Variants in CDC5L observed in about 807,000 individuals in gnomAD.
CDC5L encodes the protein cell division cycle 5-like protein.
A neutral mutation model predicts 104.1 loss-of-function variants in CDC5L; 18 were observed. The observed-to-expected ratio is 0.17, with a 90% CI of 0.12 to 0.26. CDC5L has a LOEUF of 0.26. Ranked by LOEUF, CDC5L falls within the 10% of genes least tolerant of loss-of-function variation. CDC5L has a pLI of 1.00. For missense variants in CDC5L, 673 were observed against 956.9 expected, an observed-to-expected ratio of 0.70 and a Z score of 3.91; for synonymous variants, 331 against 322.7, an observed-to-expected ratio of 1.03 and a Z score of -0.28.
Position 44,448,495 on chromosome 6 carries a change from A to G in CDC5L, c.*1784A>G, listed in dbSNP as rs572756259. 6.6e-6 allele frequency: 1 copy of G among 152,348 alleles called. No homozygotes were observed. The highest frequency in any genetic ancestry group is 6.5e-5 in the Admixed American group (1 of 15,308). The allele number at this position is 152,348 out of a possible 1,614,324, so 9.4% of individuals were successfully genotyped here. ...GATGCAGTGATCCAGACAAAAAAATAATAGTGATTCTAACTAGAGTCCAGG... is the reference window on the plus strand; with the variant it reads ...GATGCAGTGATCCAGACAAAAAAATGATAGTGATTCTAACTAGAGTCCAGG... On this transcript the variant is annotated 3_prime_UTR_variant, in exon 16 of 16. Transcript: ENST00000371477.
In CDC5L at chr6:44,394,893, CA is replaced by C. The variant is rs1790796808; in HGVS notation, c.439+1321del. Among the ~76,000 whole-genome samples, 7 of 320 alleles carry C rather than the reference CA, an allele frequency of 0.022. No homozygotes were observed. In the South Asian group the frequency reaches 0.23, roughly 10 times the overall value. 0.2% of individuals were successfully genotyped at this position (320 alleles called of 152,430 possible). On this transcript the variant is annotated intron_variant, in intron 4 of 15. Transcript: ENST00000371477. ...AAAAAAAAAAAAAAAAAATGGTATACACACACACACACACACACACACACAC... is the reference window on the plus strand; with the variant it reads ...AAAAAAAAAAAAAAAAAATGGTATACCACACACACACACACACACACACAC...
In CDC5L at chr6:44,431,560, G is replaced by T. The variant is rs571889225; in HGVS notation, c.2091+1650G>T. ...TATGAAAATCTTCTCATTTGAGGTG[G>T]GTAAACTCTTTTTGCCGCAAATGGC... is the stretch of plus-strand genomic sequence containing the variant. On this transcript the variant is annotated intron_variant, in intron 14 of 15. Transcript: ENST00000371477. 2.0e-5 allele frequency among the ~76,000 whole-genome samples: 3 copies of T among 152,048 alleles called. No individual in the cohort carries two copies. In the South Asian group the frequency reaches 6.3e-4, roughly 32 times the overall value.
Position 44,387,842 on chromosome 6 carries a change from A to C in CDC5L, c.19A>C (p.Lys7Gln). The part of the protein sequence containing the change: MPRIMI[K>Q]GGVWRNTEDE... ...CGCCAAGATGCCTCGAATTATGATC[A>C]AGGGGGGCGTATGGAGGAATACCGA... Residue 7 changes from lysine (K) to glutamine (Q), a missense_variant, in exon 1 of 16, where the codon AAG (lysine) becomes CAG (glutamine). Coordinates refer to ENST00000371477, the MANE Select transcript of CDC5L (RefSeq NM_001253.4). The C allele has an allele frequency of 6.4e-7, 1 of 1,567,408 alleles. No individual in the cohort carries two copies. The highest frequency in any genetic ancestry group is 8.7e-7 in the Non-Finnish European group (1 of 1,154,912).
chr6:44,399,105 A>C (rs1411018734), intron 5 of CDC5L, among the ~76,000 whole-genome samples: 1 of 152,212 alleles, frequency 6.6e-6, no homozygotes, highest in African/African-American at 2.4e-5. Context: ...GATGCACACC[A>C]CCATTCCCAC....
Position 44,403,919 on chromosome 6 carries a change from A to C in CDC5L, c.650A>C (p.Glu217Ala), listed in dbSNP as rs549734666. Residue 217 changes from glutamate (E) to alanine (A), a missense_variant, in exon 6 of 16, where the codon GAA becomes GCA. Coordinates refer to ENST00000371477, the MANE Select transcript of CDC5L (RefSeq NM_001253.4). ...GVDYNAEIPF[E>A]KKPALGFYDT... ...GATTATAATGCCGAAATCCCATTTG[A>C]AAAAAAGCCTGCCCTTGGTTTTTAT... 3.2e-5 allele frequency: 51 copies of C among 1,613,350 alleles called. No homozygotes were observed. In the South Asian group the frequency reaches 5.4e-4, roughly 17 times the overall value.
At position 44,429,732 on chromosome 6, in the gene CDC5L, A is replaced by G; in HGVS notation, c.1913A>G (p.Gln638Arg). 2.5e-6 allele frequency: 4 copies of G among 1,613,914 alleles called. No individual in the cohort carries two copies. The highest frequency in any genetic ancestry group is 3.4e-6 in the Non-Finnish European group (4 of 1,179,822). ...ELKKAQDVLV[Q>R]EMEVVKQGMS... ...AAACAGGCCCAGGATGTTTTGGTGC[A>G]GGAGATGGAAGTGGTTAAACAAGGA... The change falls in exon 14 of 16, where the codon CAG (glutamine) becomes CGG (arginine). Residue 638 changes from glutamine to arginine, a missense_variant. By Grantham distance (43) the Gln-to-Arg change is conservative. Around this residue, in one of 4 missense-constraint regions of CDC5L, gnomAD observed 578 missense variants for 737.0 expected, o/e 0.78. Coordinates refer to ENST00000371477, the MANE Select transcript of CDC5L (RefSeq NM_001253.4).
chr6:44,397,984 T>A (rs1285093148), intron 5 of CDC5L, among the ~76,000 whole-genome samples: 1 of 152,170 alleles, frequency 6.6e-6, no homozygotes, highest in African/African-American at 2.4e-5. Context: ...CCCTATCCTG[T>A]ACAGTGCCCC....
At chr6:44,437,184 G>A (rs1390255172) in intron 14 of CDC5L, among the ~76,000 whole-genome samples, 1 of 152,066 alleles carries the variant, frequency 6.6e-6, no homozygotes, top group African/African-American at 2.4e-5. Flanking sequence ...GGAGGAGCTG[G>A]GCTGATTTAA....
chr6:44,433,714 A>G (rs560264737), intron 14 of CDC5L, among the ~76,000 whole-genome samples: 1 of 152,330 alleles, frequency 6.6e-6, no homozygotes, highest in South Asian at 2.1e-4. Flanking sequence ...AACTTAAAGA[A>G]CACAGATAAC....
intron 11 of CDC5L, 99 bp downstream of exon 11, chr6:44,424,682 G>T: frequency 9.0e-7 from 1 of 1,114,668 alleles, no homozygotes; most frequent in South Asian, 1.5e-5. Flanking sequence ...TCTCTACCTA[G>T]TCCTTTTTAA....
rs1792058122 is a variant in CDC5L, at chr6:44,419,408, C to G, written c.1093-41C>G. On this transcript the variant is annotated intron_variant, in intron 8 of 15. Coordinates refer to ENST00000371477, the MANE Select transcript of CDC5L (RefSeq NM_001253.4). The stretch of plus-strand genomic sequence containing the variant: ...ACCAGAAGAGATTCTGCAAGTCTGT[C>G]TAAACTTTTAAACTTGCTTCTTTGT... 3.1e-6 allele frequency: 5 copies of G among 1,605,794 alleles called. No individual in the cohort carries two copies. In the East Asian group the frequency reaches 1.1e-4, roughly 36 times the overall value.
intron 5 of CDC5L, among the ~76,000 whole-genome samples, chr6:44,403,037 C>CA (rs1791201183): frequency 1.3e-5 from 2 of 152,188 alleles, no homozygotes; most frequent in African/African-American, 4.8e-5. Flanking sequence ...AATTGCTGCT[C>CA]AAAAAATATG....
intron 8 of CDC5L, among the ~76,000 whole-genome samples, chr6:44,411,240 G>C (rs1791609168): frequency 6.6e-6 from 1 of 152,028 alleles, no homozygotes; most frequent in Non-Finnish European, 1.5e-5. Flanking sequence ...GTGTGGGTAG[G>C]GCTCCTTGAC....
At chr6:44,431,525 TCTTA>T (rs1434824035) in intron 14 of CDC5L, among the ~76,000 whole-genome samples, 1 of 152,196 alleles carries the variant, frequency 6.6e-6, no homozygotes, top group Non-Finnish European at 1.5e-5. Flanking sequence ...TACTTAGGTT[TCTTA>T]CTTAGTATGA....
At chr6:44,437,505 A>G (rs973825376) in intron 14 of CDC5L, among the ~76,000 whole-genome samples, 2 of 152,216 alleles carry the variant, frequency 1.3e-5, no homozygotes, top group African/African-American at 2.4e-5. Flanking sequence ...ATTTATGTCC[A>G]TATTTGCTTG....
At chr6:44,407,583 C>T (rs759082596) in intron 7 of CDC5L, among the ~76,000 whole-genome samples, 7 of 152,220 alleles carry the variant, frequency 4.6e-5, no homozygotes, top group South Asian at 2.1e-4. Flanking sequence ...CTACCCACCT[C>T]GGCCTCCCAA....
At chr6:44,424,767 A>AT (rs1792344587) in intron 11 of CDC5L, among the ~76,000 whole-genome samples, 184 bp downstream of exon 11, 1 of 152,218 alleles carries the variant, frequency 6.6e-6, no homozygotes, top group Admixed American at 6.5e-5. Context: ...TACTCACAAT[A>AT]TTTTGATGAG....
Position 44,400,418 on chromosome 6 carries a change from C to T in CDC5L, c.540-3391C>T, listed in dbSNP as rs540188568. ...ATTTTATGTTTTTGAGACGGAGTCT[C>T]GCTCTGTCACCCAGGCTGGAGTGCA... On this transcript the variant is annotated intron_variant, in intron 5 of 15. Transcript: ENST00000371477. Among the ~76,000 whole-genome samples the T allele has an allele frequency of 1.3e-3, 198 of 152,272 alleles. No individual in the cohort carries two copies. In the Middle Eastern group the frequency reaches 0.017, roughly 13 times the overall value.
At chr6:44,429,677 A>T in intron 13 of CDC5L, 36 bp from the exon 14 acceptor site, 1 of 1,562,504 alleles carries the variant, frequency 6.4e-7, no homozygotes, top group East Asian at 2.2e-5. Context: ...AAGTGTTTGT[A>T]GTACTTAAAC....
Sources: allele counts gnomAD v4.1 joint callset (sites outside exome capture counted in the v4.1 genomes callset), GRCh38; gene constraint gnomAD v4.1.1; regional missense constraint gnomAD v4.1.1; transcripts MANE v1.5; gene names NCBI Gene and HGNC (gene_info 2026-07-23, HGNC 2026-07-21).